The following RNF6 variants were observed in gnomAD, a reference collection of about 807,000 sequenced individuals.
The protein encoded by RNF6 is ring finger protein 6, also known as E3 ubiquitin-protein ligase RNF6.
In RNF6, 21 loss-of-function variants were observed where a neutral mutation model predicts 50.1. The ratio of observed to expected loss-of-function variants is 0.42; its 90% confidence interval spans 0.30 to 0.60. RNF6 has a LOEUF of 0.60. RNF6 is among the 20% of genes least tolerant of loss of function. The probability of loss-of-function intolerance (pLI) is 0.20; values close to 1 mark genes in which losing one functional copy is unlikely to be tolerated. For missense variants in RNF6, 698 were observed against 838.2 expected (o/e 0.83, Z 2.07); for synonymous variants, 255 against 291.8 (o/e 0.87, Z 1.29).
At chr13:26,171,453 G>A (rs535596557) in intron 5 of RNF6, among the ~76,000 whole-genome samples, 16 of 152,168 alleles carry the variant, frequency 1.1e-4, no homozygotes, top group Non-Finnish European at 2.2e-4. Context: ...TGGTGGGAAC[G>A]TAAAATAGTG....
At chr13:26,170,530 C>A (rs990197314) in intron 5 of RNF6, among the ~76,000 whole-genome samples, 5 of 152,096 alleles carry the variant, frequency 3.3e-5, no homozygotes, top group African/African-American at 1.2e-4. Flanking sequence ...TAACAGTTAG[C>A]TAAGCAGCTG....
chr13:26,174,025 G>T (rs1323702496), intron 5 of RNF6, among the ~76,000 whole-genome samples: 1 of 151,676 alleles, frequency 6.6e-6, no homozygotes, highest in Non-Finnish European at 1.5e-5. Flanking sequence ...TATTCTTAAT[G>T]GTGAGAATAT....
At chr13:26,132,624 A>C (rs1870449340) in intron 5 of RNF6, among the ~76,000 whole-genome samples, 2 of 152,262 alleles carry the variant, frequency 1.3e-5, no homozygotes, top group Admixed American at 6.5e-5. Flanking sequence ...TTGTTAGAAG[A>C]TGTTGCCATC....
downstream of RNF6, among the ~76,000 whole-genome samples, chr13:26,209,664 T>C (rs1402220698): frequency 6.6e-6 from 1 of 152,210 alleles, no homozygotes; most frequent in Non-Finnish European, 1.5e-5. Context: ...TTTGGATTGT[T>C]ACCCACTGGG....
chr13:26,214,486 T>G lies in RNF6; in HGVS notation c.1396A>C (p.Arg466=), dbSNP rs761212146. The change falls in exon 5 of 5, where the codon AGG becomes CGG. Residue 466 remains arginine, a synonymous_variant. Transcript: ENST00000381588. The stretch of plus-strand genomic sequence containing the variant: ...TCAACAAGCTCATTCTCAGAAATCC[T>G]ACGAAGAGGAACTGTTATGGTACTA... ...YVSTITVPLR[R]ISENELVEPS... is the part of the protein sequence containing the mutation. The G allele has an allele frequency of 1.9e-6, 3 of 1,614,170 alleles. No individual in the cohort carries two copies. The highest frequency in any genetic ancestry group is 2.5e-6 in the Non-Finnish European group (3 of 1,180,040).
chr13:26,134,764 C>G (rs77354185), intron 5 of RNF6, among the ~76,000 whole-genome samples: 20,213 of 152,048 alleles, frequency 0.13, 1,711 homozygotes, highest in Admixed American at 0.2. Context: ...AGAAATCAAA[C>G]TCTGTAATTG....
chr13:26,176,733 G>A (rs938722534), intron 5 of RNF6, among the ~76,000 whole-genome samples: 1 of 152,176 alleles, frequency 6.6e-6, no homozygotes, highest in African/African-American at 2.4e-5. Context: ...AGGAGTTCAA[G>A]ACCAGCCTGA....
upstream of RNF6, chr13:26,222,647 A>AGTCT: frequency 6.6e-6 from 1 of 152,302 alleles, no homozygotes; most frequent in African/African-American, 2.4e-5. Context: ...TAAATTCTGA[A>AGTCT]GTCTGTCTGT....
At chr13:26,152,613 C>T (rs17083321) in intron 5 of RNF6, among the ~76,000 whole-genome samples, 6,770 of 152,226 alleles carry the variant, frequency 0.044, 232 homozygotes, top group African/African-American at 0.091. Flanking sequence ...TATGTGTCCT[C>T]TACACGTGTT....
At chr13:26,173,693 GA>G (rs577539572) in intron 5 of RNF6, among the ~76,000 whole-genome samples, 10,833 of 150,490 alleles carry the variant, frequency 0.072, 451 homozygotes, top group Middle Eastern at 0.12. Context: ...TATTTCTTTG[GA>G]AAAAAAAAAA....
At chr13:26,146,029 C>G (rs114732803) in intron 5 of RNF6, among the ~76,000 whole-genome samples, 1,861 of 152,334 alleles carry the variant, frequency 0.012, 29 homozygotes, top group African/African-American at 0.043. Flanking sequence ...CCTACTTTAA[C>G]TGGTAGACCA....
At chr13:26,136,173 G>A (rs1870637443) in intron 5 of RNF6, among the ~76,000 whole-genome samples, 1 of 152,174 alleles carries the variant, frequency 6.6e-6, no homozygotes, top group African/African-American at 2.4e-5. Context: ...TTTGCAGTCT[G>A]ATTGGACCAG....
At chr13:26,219,726 G>C (rs1281859602) in intron 2 of RNF6, 59 bp from the exon 3 acceptor site, 2 of 1,426,380 alleles carry the variant, frequency 1.4e-6, no homozygotes, top group East Asian at 4.7e-5. Flanking sequence ...ATTTGGCTTT[G>C]TATTTTTAAC....
intron 5 of RNF6, among the ~76,000 whole-genome samples, chr13:26,177,854 T>C (rs1873036256): frequency 6.6e-6 from 1 of 152,328 alleles, no homozygotes; most frequent in Non-Finnish European, 1.5e-5. Flanking sequence ...ATGTTATTTC[T>C]TTCTAAAACA....
chr13:26,220,118 GTA>G (rs1870325451), intron 2 of RNF6, among the ~76,000 whole-genome samples: 2 of 152,318 alleles, frequency 1.3e-5, no homozygotes, highest in Admixed American at 6.5e-5. Context: ...TTTCAGCAAG[GTA>G]TTCTTTCCAA....
Position 26,204,496 on chromosome 13 carries a change from CAAAA to C in RNF6, n.768+10974_768+10977del, listed in dbSNP as rs71080239. ...TGGGCAACAGAGCGAGACTCCACCT[CAAAA>C]AAAAAAAAAAAAAAAGAAAGAAAGA... On this transcript the variant is annotated intron_variant and non_coding_transcript_variant, in intron 5 of 5. Transcript: ENST00000468480. 1.0e-4 allele frequency among the ~76,000 whole-genome samples: 7 copies of C among 68,954 alleles called. No individual in the cohort carries two copies. The South Asian group carries it at 1.5e-3, about 15-fold the overall frequency. The allele number at this position is 68,954 out of a possible 152,430, so 45.2% of individuals were successfully genotyped here. A position where few individuals can be genotyped will look rare whatever the true frequency, so the allele number is the denominator to read the frequency against.
chr13:26,188,993 A>C (rs1246962045), intron 5 of RNF6, among the ~76,000 whole-genome samples: 4 of 152,072 alleles, frequency 2.6e-5, no homozygotes, highest in Non-Finnish European at 4.4e-5. Context: ...TTACACTCCC[A>C]TGAAGTAAGA....
At chr13:26,162,044 T>G (rs1433445521) in intron 5 of RNF6, among the ~76,000 whole-genome samples, 1 of 152,224 alleles carries the variant, frequency 6.6e-6, no homozygotes, top group Non-Finnish European at 1.5e-5. Context: ...TATATTATGA[T>G]GTTTTCACAT....
chr13:26,194,124 TA>T (rs1397071550), intron 5 of RNF6, among the ~76,000 whole-genome samples: 1 of 152,206 alleles, frequency 6.6e-6, no homozygotes, highest in Non-Finnish European at 1.5e-5. Flanking sequence ...TAAATGAGAC[TA>T]GTCGATATAG....
Sources: allele counts gnomAD v4.1 joint callset (sites outside exome capture counted in the v4.1 genomes callset), GRCh38; gene constraint gnomAD v4.1.1; transcripts MANE v1.5; gene names NCBI Gene and HGNC (gene_info 2026-07-23, HGNC 2026-07-21).